The following WARS2 variants were observed in gnomAD, a reference collection of about 807,000 sequenced individuals.
The protein encoded by WARS2 is tryptophanyl tRNA synthetase 2, mitochondrial.
A neutral mutation model predicts 36.5 loss-of-function variants in WARS2; 28 were observed. The ratio of observed to expected loss-of-function variants is 0.77; its 90% CI spans 0.57 to 1.05. WARS2 has a LOEUF of 1.05. Among genes scored for constraint, WARS2 ranks in the 50% least tolerant of loss-of-function variants. The pLI is 0.00. For missense variants in WARS2, 435 were observed against 456.8 expected, an observed-to-expected ratio of 0.95 and a Z score of 0.44; for synonymous variants, 174 against 178.4, an observed-to-expected ratio of 0.98 and a Z score of 0.20.
intron 1 of WARS2, chr1:119,085,124 G>A (rs587606879): frequency 2.9e-5 from 23 of 782,478 alleles, no homozygotes; most frequent in Admixed American, 1.7e-4. Context: ...CAGAACGCCC[G>A]TTGTACGGGC....
chr1:119,086,177 A>C (rs1010705933), intron 1 of WARS2, among the ~76,000 whole-genome samples: 4 of 152,130 alleles, frequency 2.6e-5, no homozygotes, highest in African/African-American at 9.7e-5. Context: ...GAAAATTCTA[A>C]CATTGATTTT....
Position 119,033,454 on chromosome 1 carries a change from G to A in WARS2, c.635-95C>T, listed in dbSNP as rs144631436. On this transcript the variant is annotated intron_variant, in intron 5 of 5. Coordinates refer to ENST00000235521, the MANE Select transcript of WARS2 (RefSeq NM_015836.4). ...CACAGACAGTTCCCAACTTGCAATG[G>A]TTTGAATTATGATTTTTCAACTTTA... 287 of 1,487,244 alleles carry A rather than the reference G, an allele frequency of 1.9e-4. 1 individual carries two copies. The African/African-American group carries it at 2.8e-3, about 15-fold the overall frequency. The allele number at this position is 1,487,244 out of a possible 1,614,324, so 92.1% of individuals were successfully genotyped here.
intron 1 of WARS2, among the ~76,000 whole-genome samples, chr1:119,100,349 A>C (rs1653766215): frequency 6.6e-6 from 1 of 152,200 alleles, no homozygotes; most frequent in Non-Finnish European, 1.5e-5. Context: ...GTGGGAATGG[A>C]AACTAGTACA....
At chr1:119,090,072 A>G (rs1340086440) in intron 1 of WARS2, among the ~76,000 whole-genome samples, 1 of 151,968 alleles carries the variant, frequency 6.6e-6, no homozygotes, top group Non-Finnish European at 1.5e-5. Flanking sequence ...CATGGCACAC[A>G]TTTATCTATG....
intron 2 of WARS2, among the ~76,000 whole-genome samples, chr1:119,071,841 C>A (rs1651339839): frequency 6.6e-6 from 1 of 151,946 alleles, no homozygotes; most frequent in Admixed American, 6.6e-5. Context: ...TGTTATATAG[C>A]TTGATTTAGC....
chr1:119,092,866 C>A (rs997636058), intron 1 of WARS2, among the ~76,000 whole-genome samples: 1 of 152,168 alleles, frequency 6.6e-6, no homozygotes, highest in Non-Finnish European at 1.5e-5. Flanking sequence ...ACTAAATCAT[C>A]AGGGATGTTT....
At chr1:119,085,777 C>CAT in intron 1 of WARS2, 1 of 1,601,012 alleles carries the variant, frequency 6.2e-7, no homozygotes, top group Non-Finnish European at 8.5e-7. Context: ...ACAATCTCCC[C>CAT]ATACTGTGAG....
intron 2 of WARS2, among the ~76,000 whole-genome samples, chr1:119,058,370 A>G (rs1420352984): frequency 3.5e-5 from 4 of 114,454 alleles, no homozygotes; most frequent in Admixed American, 3.1e-4. Context: ...GGTTAGTTAC[A>G]TATGTATACA....
In WARS2 at chr1:119,031,650, A is replaced by C. The variant is rs1647436380; in HGVS notation, c.*1261T>G. The C allele has an allele frequency of 6.6e-6, 1 of 152,228 alleles. No homozygotes were observed. The highest frequency in any genetic ancestry group is 2.4e-5 in the African/African-American group (1 of 41,454). 9.4% of individuals were successfully genotyped at this position (152,228 alleles called of 1,614,324 possible). A position where few individuals can be genotyped will look rare whatever the true frequency, so the allele number is the denominator to read the frequency against. The stretch of plus-strand genomic sequence containing the variant: ...AGGTCTTGGTGTATAAGTTAGGATT[A>C]TCATTTTCATTTTCAGGTGTCAGAA... On this transcript the variant is annotated 3_prime_UTR_variant, in exon 6 of 6. Coordinates refer to ENST00000235521, the MANE Select transcript of WARS2 (RefSeq NM_015836.4).
At chr1:119,045,683 A>G (rs1420176513) in intron 2 of WARS2, 21 bp from the exon 3 acceptor site, 1 of 1,561,486 alleles carries the variant, frequency 6.4e-7, no homozygotes, top group Middle Eastern at 2.2e-4. Flanking sequence ...AAAATAGAAC[A>G]TTAGTAAAGG....
At chr1:119,040,614 C>A (rs1373517941) in intron 4 of WARS2, among the ~76,000 whole-genome samples, 1 of 152,178 alleles carries the variant, frequency 6.6e-6, no homozygotes, top group East Asian at 1.9e-4. Context: ...ACCTGGCTAG[C>A]CTTTGGTTCT....
intron 2 of WARS2, among the ~76,000 whole-genome samples, chr1:119,062,580 A>G (rs759640119): frequency 6.6e-6 from 1 of 152,190 alleles, no homozygotes; most frequent in Non-Finnish European, 1.5e-5. Flanking sequence ...CATAATCTCA[A>G]CTTGAATTGT....
intron 1 of WARS2, among the ~76,000 whole-genome samples, chr1:119,082,798 G>C (rs1202852656): frequency 6.6e-6 from 1 of 152,144 alleles, no homozygotes; most frequent in African/African-American, 2.4e-5. Context: ...TCTTCCCCAG[G>C]TGCCATGTTT....
intron 1 of WARS2, among the ~76,000 whole-genome samples, chr1:119,137,689 A>C (rs753058979): frequency 1.3e-5 from 2 of 152,186 alleles, no homozygotes; most frequent in Non-Finnish European, 2.9e-5. Flanking sequence ...TGACTTTATG[A>C]CTACGCTCAT....
chr1:119,050,562 A>G (rs1324876720), intron 2 of WARS2, among the ~76,000 whole-genome samples: 10 of 152,220 alleles, frequency 6.6e-5, no homozygotes, highest in Non-Finnish European at 1.5e-4. Context: ...GCATAAAAGT[A>G]AACATTAGAC....
At chr1:119,140,347 T>G (rs1656864270) in intron 1 of WARS2, 2 of 412,680 alleles carry the variant, frequency 4.8e-6, no homozygotes, top group Non-Finnish European at 8.4e-6. Context: ...GGCGCGCTTT[T>G]TCCACCAAGA....
intron 1 of WARS2, among the ~76,000 whole-genome samples, chr1:119,106,862 T>G (rs587593847): frequency 6.6e-6 from 1 of 152,322 alleles, no homozygotes; most frequent in South Asian, 2.1e-4. Flanking sequence ...AAGAGTATAT[T>G]TAGTTTTGTA....
intron 1 of WARS2, among the ~76,000 whole-genome samples, chr1:119,090,926 T>C (rs1374092778): frequency 6.6e-6 from 1 of 152,108 alleles, no homozygotes; most frequent in Non-Finnish European, 1.5e-5. Flanking sequence ...TTTCGGCATA[T>C]GGTGGTCTGA....
intron 1 of WARS2, among the ~76,000 whole-genome samples, chr1:119,111,617 C>G (rs981340997): frequency 2.2e-4 from 33 of 152,150 alleles, no homozygotes; most frequent in Non-Finnish European, 2.2e-4. Context: ...GTTGTGAGAA[C>G]CTGGTAAAAC....
Sources: allele counts gnomAD v4.1 joint callset (sites outside exome capture counted in the v4.1 genomes callset), GRCh38; gene constraint gnomAD v4.1.1; transcripts MANE v1.5; gene names NCBI Gene and HGNC (gene_info 2026-07-23, HGNC 2026-07-21).